Variants in LMNA observed in about 807,000 individuals in gnomAD.
LMNA encodes the protein lamin A/C, also known as lamin.
Under a neutral mutation model 70.4 loss-of-function variants are expected in LMNA, and 20 were observed. The observed-to-expected ratio is 0.28, with a 90% CI of 0.20 to 0.41. The LOEUF (loss-of-function observed/expected upper bound fraction) is 0.41. Ranked by LOEUF, LMNA falls within the 10% of genes least tolerant of loss-of-function variation. The probability of loss-of-function intolerance (pLI) is 1.00; values close to 1 mark genes in which losing one functional copy is unlikely to be tolerated. For synonymous variants in LMNA, 339 were observed against 372.8 expected, an observed-to-expected ratio of 0.91 and a Z score of 1.04; for missense variants, 652 against 917.2, an observed-to-expected ratio of 0.71 and a Z score of 3.73.
At chr1:156,125,613 T>C (rs552940568) in intron 1 of LMNA, among the ~76,000 whole-genome samples, 1 of 151,904 alleles carries the variant, frequency 6.6e-6, no homozygotes, top group East Asian at 1.9e-4. Flanking sequence ...TGCTTGAACC[T>C]GGGAGGTGGA....
chr1:156,094,897 T>C (rs1002476209), intron 3 of LMNA, among the ~76,000 whole-genome samples: 1 of 151,448 alleles, frequency 6.6e-6, no homozygotes, highest in Non-Finnish European at 1.5e-5. Flanking sequence ...GTAGCTGAGA[T>C]TACAGGCGTT....
At position 156,126,473 on chromosome 1, in the gene LMNA, G is replaced by A. The variant is rs371808168; in HGVS notation, c.357-4144G>A. On this transcript the variant is annotated intron_variant, in intron 1 of 11. Transcript: ENST00000368300. ...CCATATCTGGCATCAGAGTTGGGCT[G>A]AGCAGGGTGACTCAGAGGGTGGGTC... 26 of 645,586 alleles carry A rather than the reference G, an allele frequency of 4.0e-5. 1 individual carries two copies. The highest frequency in any genetic ancestry group is 2.9e-4 in the East Asian group (10 of 35,032). The allele number at this position is 645,586 out of a possible 1,614,324, so 40.0% of individuals were successfully genotyped here.
Position 156,139,187 on chromosome 1 carries a change from C to T in LMNA, c.*81C>T. On this transcript the variant is annotated 3_prime_UTR_variant, in exon 12 of 12. Transcript: ENST00000368300. Reference sequence around the variant, plus strand: ...CATGCCCACCCCCTGCCCTGCACGTCATGGGAGGGGGCTTGAAGCCAAAGA... The same window carrying T: ...CATGCCCACCCCCTGCCCTGCACGTTATGGGAGGGGGCTTGAAGCCAAAGA... 6.2e-7 allele frequency: 1 copy of T among 1,608,260 alleles called. No individual in the cohort carries two copies. Among genetic ancestry groups the T allele is most frequent in the Non-Finnish European group, 8.5e-7 (1 of 1,178,648 alleles).
At position 156,138,762 on chromosome 1, in the gene LMNA, G is replaced by GT; in HGVS notation, c.1968+7dup. On this transcript the variant is annotated splice_donor_region_variant and intron_variant, in intron 11 of 11. Transcript: ENST00000368300. The surrounding 1 kb of genome is among the most constrained non-coding windows in gnomAD (Gnocchi z 5.5). ...AACTCCAGCCCCCGAACCCAGGTGA[G>GT]TTGTCTCTGCTTTGTCTCCAAATCC... 1 of 1,613,422 alleles carries GT rather than the reference G, an allele frequency of 6.2e-7. No homozygotes were observed. Among genetic ancestry groups the GT allele is most frequent in the Non-Finnish European group, 8.5e-7 (1 of 1,180,028 alleles).
At position 156,115,189 on chromosome 1, in the gene LMNA, A is replaced by G; in HGVS notation, c.271A>G (p.Thr91Ala). The change falls in exon 1 of 12, where the codon ACC becomes GCC. Residue 91 changes from threonine (T) to alanine (A), a missense_variant. Transcript: ENST00000368300. This position sits in a 1 kb window ranked among gnomAD's most constrained non-coding sequence, Gnocchi z 5.8. ...GGCCGAGCTCGGGGATGCCCGCAAG[A>G]CCCTTGACTCAGTAGCCAAGGAGCG... is the stretch of plus-strand genomic sequence containing the variant. ...YEAELGDARK[T>A]LDSVAKERAR... is the part of the protein sequence containing the mutation. 6.2e-7 allele frequency: 1 copy of G among 1,612,762 alleles called. No homozygotes were observed. Among genetic ancestry groups the G allele is most frequent in the Non-Finnish European group, 8.5e-7 (1 of 1,179,642 alleles).
intron 1 of LMNA, chr1:156,126,668 A>G: frequency 6.9e-7 from 1 of 1,446,990 alleles, no homozygotes; most frequent in South Asian, 1.2e-5. Context: ...GCCAACTCTC[A>G]TTTCTACCTT....
Position 156,135,756 on chromosome 1 carries a change from G to C in LMNA, c.937-145G>C. ...CTATGTTTAGAGCTTGTGATGTTCA[G>C]AGCTGGCTCTGATGAGGGCTCTGGG... On this transcript the variant is annotated intron_variant, in intron 5 of 11. Coordinates refer to ENST00000368300, the MANE Select transcript of LMNA (RefSeq NM_170707.4). The surrounding 1 kb of genome is among the most constrained non-coding windows in gnomAD (Gnocchi z 4.8). 3 of 697,790 alleles carry C rather than the reference G, an allele frequency of 4.3e-6. No homozygotes were observed. The highest frequency in any genetic ancestry group is 1.7e-5 in the South Asian group (1 of 60,390). 43.2% of individuals were successfully genotyped at this position (697,790 alleles called of 1,614,324 possible).
In LMNA at chr1:156,136,748, T is replaced by C; in HGVS notation, c.1381-173T>C. The C allele has an allele frequency of 1.4e-6, 1 of 709,956 alleles. No individual in the cohort carries two copies. Among genetic ancestry groups the C allele is most frequent in the Non-Finnish European group, 2.5e-6 (1 of 393,880 alleles). The allele number at this position is 709,956 out of a possible 1,614,324, so 44.0% of individuals were successfully genotyped here. ...GTATCCGTGTGCCTGGTGCTGCGTATGTGTCCACAGATCATGGCTATTATC... is the reference window on the plus strand; with the variant it reads ...GTATCCGTGTGCCTGGTGCTGCGTACGTGTCCACAGATCATGGCTATTATC... On this transcript the variant is annotated intron_variant, in intron 7 of 11. Coordinates refer to ENST00000368300, the MANE Select transcript of LMNA (RefSeq NM_170707.4). The surrounding 1 kb of genome is among the most constrained non-coding windows in gnomAD (Gnocchi z 6.1).
At chr1:156,132,282 C>T (rs1651141321) in intron 2 of LMNA, among the ~76,000 whole-genome samples, 1 of 152,056 alleles carries the variant, frequency 6.6e-6, no homozygotes, top group African/African-American at 2.4e-5. Flanking sequence ...CTAGCCTGGC[C>T]AACATGGTGA....
chr1:156,137,821 T>TC lies in LMNA; in HGVS notation c.1698+82dup. Reference sequence around the variant, plus strand: ...GCCTGGGGGCAGCCTCTCCCCAGCCTCCCCGTGCCAAAAATCTTTTCATTA... The same window carrying TC: ...GCCTGGGGGCAGCCTCTCCCCAGCCTCCCCCGTGCCAAAAATCTTTTCATTA... On this transcript the variant is annotated intron_variant, in intron 10 of 11. Coordinates refer to ENST00000368300, the MANE Select transcript of LMNA (RefSeq NM_170707.4). The surrounding 1 kb of genome is among the most constrained non-coding windows in gnomAD (Gnocchi z 4.6). 1 of 1,542,934 alleles carries TC rather than the reference T, an allele frequency of 6.5e-7. No individual in the cohort carries two copies.
At chr1:156,112,419 A>G (rs1398320791), upstream of LMNA, among the ~76,000 whole-genome samples, 1 of 152,146 alleles carries the variant, frequency 6.6e-6, no homozygotes, top group Non-Finnish European at 1.5e-5. Flanking sequence ...GGAAGGGTTA[A>G]GTGTGGTTTA....
intron 1 of LMNA, among the ~76,000 whole-genome samples, chr1:156,123,589 A>G (rs1650348758): frequency 6.6e-6 from 1 of 151,622 alleles, no homozygotes; most frequent in Non-Finnish European, 1.5e-5. Context: ...ACATTCTACT[A>G]TCTTCTTAGG....
chr1:156,125,681 T>C (rs1312989151), intron 1 of LMNA, among the ~76,000 whole-genome samples: 1 of 151,100 alleles, frequency 6.6e-6, no homozygotes, highest in African/African-American at 2.4e-5. Flanking sequence ...ACAGTGAGAC[T>C]CTGTCTCAAA....
At chr1:156,131,690 C>T (rs539288672) in intron 2 of LMNA, among the ~76,000 whole-genome samples, 111 of 152,276 alleles carry the variant, frequency 7.3e-4, no homozygotes, top group East Asian at 5.4e-3. Context: ...TTTGGCCCTC[C>T]GGTATACAAG....
At chr1:156,128,085 A>G (rs1046624791) in intron 1 of LMNA, among the ~76,000 whole-genome samples, 23 of 152,262 alleles carry the variant, frequency 1.5e-4, no homozygotes, top group Non-Finnish European at 1.5e-5. Context: ...GGGACCCTAG[A>G]TATAGCTTTC....
chr1:156,084,327 T>TCGGG (rs1257422852), intron 2 of LMNA, among the ~76,000 whole-genome samples: 9 of 5,766 alleles, frequency 1.6e-3, no homozygotes, highest in Admixed American at 4.7e-3. Context: ...TCTCAGAAGG[T>TCGGG]CGGGGGGTGG....
At chr1:156,128,342 G>A (rs1440518143) in intron 1 of LMNA, among the ~76,000 whole-genome samples, 2 of 152,156 alleles carry the variant, frequency 1.3e-5, no homozygotes, top group Non-Finnish European at 2.9e-5. Flanking sequence ...CAGGGATCAT[G>A]CATCTATGTT....
chr1:156,099,913 A>C (rs1043550139), intron 3 of LMNA, among the ~76,000 whole-genome samples: 2 of 151,536 alleles, frequency 1.3e-5, no homozygotes, highest in Non-Finnish European at 2.9e-5. Flanking sequence ...GTCACCCCAG[A>C]TCAATTACTA....
In LMNA at chr1:156,136,844, G is replaced by A; in HGVS notation, c.1381-77G>A. On this transcript the variant is annotated intron_variant, in intron 7 of 11. Coordinates refer to ENST00000368300, the MANE Select transcript of LMNA (RefSeq NM_170707.4). This position sits in a 1 kb window ranked among gnomAD's most constrained non-coding sequence, Gnocchi z 6.1. ...GGCCTCAATTGCAGGCAGGCAGAGGGCTGGGCCTTTGAGCAAGATACACCC... is the reference window on the plus strand; with the variant it reads ...GGCCTCAATTGCAGGCAGGCAGAGGACTGGGCCTTTGAGCAAGATACACCC... The A allele has an allele frequency of 8.2e-7, 1 of 1,220,580 alleles. No homozygotes were observed. The highest frequency in any genetic ancestry group is 1.3e-5 in the South Asian group (1 of 77,564). 75.6% of individuals were successfully genotyped at this position (1,220,580 alleles called of 1,614,324 possible).
Sources: allele counts gnomAD v4.1 joint callset (sites outside exome capture counted in the v4.1 genomes callset), GRCh38; gene constraint gnomAD v4.1.1; non-coding constraint Gnocchi (gnomAD v3.1); transcripts MANE v1.5; gene names NCBI Gene and HGNC (gene_info 2026-07-23, HGNC 2026-07-21).